CCDC40: variants seen among roughly 807,000 people sequenced by gnomAD.
CCDC40 encodes the protein coiled-coil domain-containing protein 40.
CCDC40 carries 104 observed loss-of-function variants against 124.5 expected under a neutral mutation model. The observed-to-expected ratio is 0.84, with a 90% CI of 0.71 to 0.98. CCDC40 has a LOEUF of 0.98. Among genes scored for constraint, CCDC40 ranks in the 50% least tolerant of loss-of-function variants. CCDC40 has a pLI of 0.00. For missense variants in CCDC40, 1,463 were observed against 1,503.9 expected, an observed-to-expected ratio of 0.97 and a Z score of 0.45; for synonymous variants, 580 against 602.9, an observed-to-expected ratio of 0.96 and a Z score of 0.56.
intron 12 of CCDC40, among the ~76,000 whole-genome samples, chr17:80,083,474 G>C (rs999350649): frequency 3.3e-5 from 5 of 152,168 alleles, no homozygotes; most frequent in African/African-American, 1.2e-4. Context: ...GGGTAGGCAG[G>C]AGCCACAGTC....
chr17:80,090,059 C>A, intron 17 of CCDC40, 175 bp downstream of exon 17: 1 of 1,537,188 alleles, frequency 6.5e-7, no homozygotes, highest in Non-Finnish European at 8.7e-7. Context: ...AGCAGAGTGA[C>A]CTGCACTCCA....
rs934449358 is a variant in CCDC40 at position 80,086,848 on chromosome 17, C to A, written c.2449+632C>A. 10 of 158,818 alleles carry A rather than the reference C, an allele frequency of 6.3e-5. No homozygotes were observed. The highest frequency in any genetic ancestry group is 1.4e-4 in the Non-Finnish European group (10 of 71,986). The allele number at this position is 158,818 out of a possible 1,614,324, so 9.8% of individuals were successfully genotyped here. A position where few individuals can be genotyped will look rare whatever the true frequency, so the allele number is the denominator to read the frequency against. The stretch of plus-strand genomic sequence containing the variant: ...ACATCATGTGCCCTTCTCGGAGGTC[C>A]TGCTGCCTCTCGCCCTGCCCTTCTT... On this transcript the variant is annotated intron_variant, in intron 14 of 19. Coordinates refer to ENST00000397545, the MANE Select transcript of CCDC40 (RefSeq NM_017950.4). The surrounding 1 kb of genome is among the most constrained non-coding windows in gnomAD (Gnocchi z 5.5).
chr17:80,092,818 G>A (rs2361701), intron 17 of CCDC40, among the ~76,000 whole-genome samples: 38,330 of 152,034 alleles, frequency 0.25, 5,651 homozygotes, highest in African/African-American at 0.42. Context: ...GCTTATCTGA[G>A]GAGCCTCTGC....
intron 9 of CCDC40, among the ~76,000 whole-genome samples, chr17:80,060,913 A>C (rs960098532): frequency 6.6e-6 from 1 of 152,254 alleles, no homozygotes; most frequent in African/African-American, 2.4e-5. Flanking sequence ...CATACCAGAC[A>C]CTAAAATAAA....
At chr17:80,068,164 G>A (rs555887298) in intron 10 of CCDC40, 3 of 184,496 alleles carry the variant, frequency 1.6e-5, no homozygotes, top group South Asian at 3.7e-4. Context: ...CTCCCAAGTA[G>A]CTGGGATTAC....
At chr17:80,062,478 C>T (rs1044272177) in intron 9 of CCDC40, among the ~76,000 whole-genome samples, 3 of 146,112 alleles carry the variant, frequency 2.1e-5, no homozygotes, top group African/African-American at 5.1e-5. Context: ...CAACAGGCCC[C>T]GTTGTGTGAC....
At chr17:80,098,200 G>C (rs561373115) in intron 19 of CCDC40, among the ~76,000 whole-genome samples, 1 of 152,340 alleles carries the variant, frequency 6.6e-6, no homozygotes, top group Admixed American at 6.5e-5. Flanking sequence ...CTAGAGGCCA[G>C]TGGGGCAGGC....
chr17:80,089,359 A>T (rs1354993104), intron 16 of CCDC40, among the ~76,000 whole-genome samples: 1 of 152,234 alleles, frequency 6.6e-6, no homozygotes, highest in Non-Finnish European at 1.5e-5. Context: ...GCAAAAAATT[A>T]TCTGGGACCA....
Position 80,050,154 on chromosome 17 carries a change from C to G in CCDC40, c.1030C>G (p.Leu344Val), listed in dbSNP as rs374337192. Residue 344 changes from leucine (L) to valine (V), a missense_variant, in exon 7 of 20, where the codon CTG (leucine) becomes GTG (valine). Coordinates refer to ENST00000397545, the MANE Select transcript of CCDC40 (RefSeq NM_017950.4). ...GCAGCACCTGGTACACCTGCAGAAG[C>G]TGCTGGAGAAGAGTCACGACCGCCA... ...VQQHLVHLQKLLEKSHDRHAM... is the reference protein window; with the variant it reads ...VQQHLVHLQKVLEKSHDRHAM... 1.9e-6 allele frequency: 3 copies of G among 1,613,596 alleles called. No individual in the cohort carries two copies. The African/African-American group carries it at 4.0e-5, about 22-fold the overall frequency.
rs551995879 is a variant in CCDC40 at position 80,080,861 on chromosome 17, A to G, written c.1563-685A>G. 1.2e-3 allele frequency among the ~76,000 whole-genome samples: 179 copies of G among 152,344 alleles called. 1 individual carries two copies. Among genetic ancestry groups the G allele is most frequent in the Non-Finnish European group, 2.0e-3 (135 of 68,028 alleles). On this transcript the variant is annotated intron_variant, in intron 10 of 19. Coordinates refer to ENST00000397545, the MANE Select transcript of CCDC40 (RefSeq NM_017950.4). Reference sequence around the variant, plus strand: ...AAGGCCCAGTGTTCAATAGCATGTCACAGTGACTACAGTTCACGGTAAGTT... The same window carrying G: ...AAGGCCCAGTGTTCAATAGCATGTCGCAGTGACTACAGTTCACGGTAAGTT...
chr17:80,099,047 C>A (rs1286655704), intron 19 of CCDC40, among the ~76,000 whole-genome samples: 1 of 150,388 alleles, frequency 6.6e-6, no homozygotes, highest in Non-Finnish European at 1.5e-5. Context: ...CTTTGGGAAG[C>A]CGAGGCAGGC....
chr17:80,051,721 T>C (rs1301599341), intron 7 of CCDC40, among the ~76,000 whole-genome samples: 1 of 148,888 alleles, frequency 6.7e-6, no homozygotes, highest in Non-Finnish European at 1.5e-5. Context: ...GAAAGTGACA[T>C]CCACACTGAA....
At chr17:80,084,001 G>C (rs1398456378) in intron 12 of CCDC40, among the ~76,000 whole-genome samples, 2 of 152,184 alleles carry the variant, frequency 1.3e-5, no homozygotes, top group Admixed American at 1.3e-4. Context: ...GAATTATATA[G>C]AAAAGACTGG....
intron 2 of CCDC40, among the ~76,000 whole-genome samples, chr17:80,039,212 G>T (rs986093101): frequency 9.2e-5 from 14 of 151,582 alleles, no homozygotes; most frequent in African/African-American, 3.4e-4. Flanking sequence ...ACTAAAAATG[G>T]AAAAATTAAC....
chr17:80,081,676 C>A lies in CCDC40; in HGVS notation c.1693C>A (p.Leu565Met). The A allele has an allele frequency of 6.2e-7, 1 of 1,614,228 alleles. No individual in the cohort carries two copies. Among genetic ancestry groups the A allele is most frequent in the Non-Finnish European group, 8.5e-7 (1 of 1,180,056 alleles). ...CCGGACAGAGACGGAAGCCACACTG[C>A]TGCAGAAGCTCACCACCCAGTGCCT... Reference protein sequence around the residue: ...LNRTETEATLLQKLTTQCLTK... With the variant: ...LNRTETEATLMQKLTTQCLTK... Residue 565 changes from leucine to methionine, a missense_variant, in exon 11 of 20, where the codon CTG becomes ATG. By Grantham distance (15) the Leu-to-Met change is conservative (BLOSUM62 2). Transcript: ENST00000397545.
In CCDC40 at chr17:80,087,147, C is replaced by G. The variant is rs1162497479; in HGVS notation, c.2450-460C>G. ...GTGGCCTCTTGTGCCCTCCACCCAT[C>G]TTAACATCAAGAAGAGCTGTTGTTT... is the stretch of plus-strand genomic sequence containing the variant. On this transcript the variant is annotated intron_variant, in intron 14 of 19. Transcript: ENST00000397545. The surrounding 1 kb of genome is among the most constrained non-coding windows in gnomAD (Gnocchi z 4.5). 4.0e-6 allele frequency: 1 copy of G among 247,272 alleles called. No individual in the cohort carries two copies. Among genetic ancestry groups the G allele is most frequent in the African/African-American group, 2.2e-5 (1 of 45,448 alleles). 15.3% of individuals were successfully genotyped at this position (247,272 alleles called of 1,614,324 possible). A position where few individuals can be genotyped will look rare whatever the true frequency, so the allele number is the denominator to read the frequency against.
At chr17:80,067,055 C>A in intron 10 of CCDC40, 1 of 156,146 alleles carries the variant, frequency 6.4e-6, no homozygotes. Context: ...TCAGCTGCCA[C>A]GGGCCTTAAG....
At chr17:80,089,585 C>T (rs1425557783) in intron 16 of CCDC40, 179 bp from the exon 17 acceptor site, 3 of 459,466 alleles carry the variant, frequency 6.5e-6, no homozygotes, top group East Asian at 1.1e-4. Context: ...GGTTGGCAAA[C>T]GTTTGCATAA....
At chr17:80,061,206 C>T (rs1486337999) in intron 9 of CCDC40, among the ~76,000 whole-genome samples, 5 of 152,114 alleles carry the variant, frequency 3.3e-5, no homozygotes, top group African/African-American at 9.7e-5. Flanking sequence ...ATTAGCTGGG[C>T]GTGGTGGTAC....
Sources: allele counts gnomAD v4.1 joint callset (sites outside exome capture counted in the v4.1 genomes callset), GRCh38; gene constraint gnomAD v4.1.1; non-coding constraint Gnocchi (gnomAD v3.1); transcripts MANE v1.5; gene names NCBI Gene and HGNC (gene_info 2026-07-23, HGNC 2026-07-21).